NHSL3: variants seen among roughly 807,000 people sequenced by gnomAD.
NHSL3 encodes the protein NHS-like protein 3.
the NHSL3 span, chr1:32,774,600 G>A: frequency 5.3e-5 from 8 of 152,360 alleles, no homozygotes; most frequent in African/African-American, 1.9e-4. Flanking sequence ...CTGGAGGTGG[G>A]AGAGAACCTG....
the NHSL3 span, chr1:32,742,161 G>A: frequency 8.0e-7 from 1 of 1,247,384 alleles, no homozygotes; most frequent in Non-Finnish European, 1.0e-6. Context: ...CGGAGGACAA[G>A]GCCAAGAGGG....
chr1:32,770,907 G>A, the NHSL3 span: 4 of 1,610,724 alleles, frequency 2.5e-6, no homozygotes, highest in Non-Finnish European at 2.5e-6. This position sits in a 1 kb window ranked among gnomAD's most constrained non-coding sequence, Gnocchi z 8.3. Flanking sequence ...CCCCAGAACG[G>A]ACACTTTCGC....
chr1:32,770,949 T>TTCCCC, the NHSL3 span: 124 of 1,561,754 alleles, frequency 7.9e-5, no homozygotes, highest in Non-Finnish European at 9.5e-5. This position sits in a 1 kb window ranked among gnomAD's most constrained non-coding sequence, Gnocchi z 8.3. Flanking sequence ...AAAGTGGTAC[T>TTCCCC]CCCACCCTCC....
chr1:32,746,121 C>T, the NHSL3 span, among the ~76,000 whole-genome samples: 2 of 150,484 alleles, frequency 1.3e-5, no homozygotes, highest in Admixed American at 1.3e-4. Flanking sequence ...GTCCCAGCTA[C>T]TTGGGAGGCT....
At chr1:32,770,286 A>G in the NHSL3 span, 2 of 1,609,010 alleles carry the variant, frequency 1.2e-6, no homozygotes, top group Non-Finnish European at 1.7e-6. This position sits in a 1 kb window ranked among gnomAD's most constrained non-coding sequence, Gnocchi z 8.3. Flanking sequence ...TGGTGGCCCT[A>G]GGCCGCTGCA....
At chr1:32,763,523 C>T in the NHSL3 span, among the ~76,000 whole-genome samples, 2 of 152,128 alleles carry the variant, frequency 1.3e-5, no homozygotes, top group East Asian at 1.9e-4. Context: ...TGACTGGCTC[C>T]TCAGTATTCA....
the NHSL3 span, chr1:32,768,589 A>G: frequency 6.3e-7 from 1 of 1,590,802 alleles, no homozygotes; most frequent in South Asian, 1.1e-5. Flanking sequence ...TTGTCTCAAA[A>G]AAAAGTTCCA....
At chr1:32,756,737 G>C in the NHSL3 span, among the ~76,000 whole-genome samples, 1 of 151,804 alleles carries the variant, frequency 6.6e-6, no homozygotes, top group South Asian at 2.1e-4. Context: ...AGGAGGTTGA[G>C]GTGGGTGGAT....
At chr1:32,768,777 T>C in the NHSL3 span, 1 of 1,613,276 alleles carries the variant, frequency 6.2e-7, no homozygotes. Context: ...AGCGCAAAGG[T>C]GGATTCATGG....
the NHSL3 span, chr1:32,772,992 G>A: frequency 7.2e-6 from 8 of 1,117,788 alleles, no homozygotes; most frequent in East Asian, 4.8e-5. Context: ...ACCTAATAGA[G>A]AGGGCGCCTG....
At chr1:32,765,561 G>T in the NHSL3 span, 1 of 1,409,272 alleles carries the variant, frequency 7.1e-7, no homozygotes, top group Non-Finnish European at 9.4e-7. Context: ...TTTAAGGGGT[G>T]GGGTCGGCAG....
At chr1:32,743,065 T>C in the NHSL3 span, among the ~76,000 whole-genome samples, 3 of 152,182 alleles carry the variant, frequency 2.0e-5, no homozygotes, top group Admixed American at 2.0e-4. Context: ...TCATTTTCAG[T>C]TCCTTTCTTG....
At chr1:32,772,759 A>T in the NHSL3 span, 20 of 1,155,580 alleles carry the variant, frequency 1.7e-5, no homozygotes, top group African/African-American at 2.7e-4. Flanking sequence ...CTGTCAGTAA[A>T]TCAAAGCGGT....
chr1:32,766,484 A>G, the NHSL3 span, among the ~76,000 whole-genome samples: 1 of 151,300 alleles, frequency 6.6e-6, no homozygotes, highest in Non-Finnish European at 1.5e-5. Flanking sequence ...GCCCCTTTGA[A>G]CCGTTTCCCC....
At chr1:32,770,116 C>T in the NHSL3 span, 86 of 1,557,334 alleles carry the variant, frequency 5.5e-5, no homozygotes, top group East Asian at 1.5e-3. The surrounding 1 kb of genome is among the most constrained non-coding windows in gnomAD (Gnocchi z 8.3). Context: ...CACGGGTACC[C>T]GGGCCCCACC....
the NHSL3 span, chr1:32,741,990 C>T: frequency 2.5e-6 from 3 of 1,192,092 alleles, no homozygotes; most frequent in African/African-American, 4.8e-5. This position sits in a 1 kb window ranked among gnomAD's most constrained non-coding sequence, Gnocchi z 4.3. Flanking sequence ...CACCTGCGGC[C>T]GAGGAGCCGG....
At chr1:32,745,384 C>T in the NHSL3 span, among the ~76,000 whole-genome samples, 1 of 151,602 alleles carries the variant, frequency 6.6e-6, no homozygotes, top group African/African-American at 2.4e-5. Context: ...ATGGTGAAAC[C>T]CTGTCTCTAC....
At chr1:32,754,958 G>A in the NHSL3 span, among the ~76,000 whole-genome samples, 1 of 148,716 alleles carries the variant, frequency 6.7e-6, no homozygotes, top group African/African-American at 2.5e-5. Context: ...CCCCGAGGTC[G>A]CCGCCGCATC....
chr1:32,770,590 G>A, the NHSL3 span: 7 of 1,519,704 alleles, frequency 4.6e-6, no homozygotes, highest in Non-Finnish European at 6.2e-6. The surrounding 1 kb of genome is among the most constrained non-coding windows in gnomAD (Gnocchi z 8.3). Flanking sequence ...CAGCACTGCT[G>A]AGGCCTCAGA....
Sources: allele counts gnomAD v4.1 joint callset (sites outside exome capture counted in the v4.1 genomes callset), GRCh38; gene constraint gnomAD v4.1.1; non-coding constraint Gnocchi (gnomAD v3.1); transcripts MANE v1.5; gene names NCBI Gene and HGNC (gene_info 2026-07-23, HGNC 2026-07-21).